SDK2: variants seen among roughly 807,000 people sequenced by gnomAD.
SDK2 encodes sidekick cell adhesion molecule 2.
A neutral mutation model predicts 253.9 loss-of-function variants in SDK2; 105 were observed. The ratio of observed to expected loss-of-function variants is 0.41; its 90% CI spans 0.35 to 0.49. The LOEUF is 0.49. Ranked by LOEUF, SDK2 falls within the 20% of genes least tolerant of loss-of-function variation. The pLI is 0.06. For synonymous variants in SDK2, 1,249 were observed against 1,234.9 expected, an observed-to-expected ratio of 1.01 and a Z score of -0.24; for missense variants, 2,608 against 3,003.0, an observed-to-expected ratio of 0.87 and a Z score of 3.07.
intron 1 of SDK2, chr17:73,520,310 G>A (rs1037983803): frequency 2.0e-5 from 3 of 152,338 alleles, no homozygotes; most frequent in African/African-American, 4.8e-5. Flanking sequence ...ATGGTTGGCA[G>A]AGAACCCACG....
At chr17:73,358,268 C>A in intron 39 of SDK2, 64 bp from the exon 40 acceptor site, 1 of 1,541,994 alleles carries the variant, frequency 6.5e-7, no homozygotes, top group Non-Finnish European at 8.7e-7. Flanking sequence ...GCCCGTCACC[C>A]TGGGCTCGAG....
chr17:73,584,875 C>G (rs1567856827), intron 1 of SDK2, among the ~76,000 whole-genome samples: 1 of 152,234 alleles, frequency 6.6e-6, no homozygotes, highest in African/African-American at 2.4e-5. Flanking sequence ...AGGAGTGATT[C>G]AGAACAGGAA....
chr17:73,405,383 C>T (rs1488549949), intron 18 of SDK2, among the ~76,000 whole-genome samples: 6 of 119,004 alleles, frequency 5.0e-5, no homozygotes, highest in African/African-American at 1.3e-4. Flanking sequence ...GAGGTTGCAG[C>T]GAGCCAAGAT....
chr17:73,458,485 T>C (rs2145668212), intron 3 of SDK2, among the ~76,000 whole-genome samples: 2 of 152,366 alleles, frequency 1.3e-5, no homozygotes, highest in Middle Eastern at 3.4e-3. Flanking sequence ...CAAGTTCATT[T>C]TCCAAAGCCC....
intron 1 of SDK2, among the ~76,000 whole-genome samples, chr17:73,540,926 C>A (rs961723839): frequency 6.6e-6 from 1 of 152,222 alleles, no homozygotes; most frequent in African/African-American, 2.4e-5. Context: ...GCTAAGCCTG[C>A]AGAACCTCTG....
At chr17:73,549,748 G>C (rs539703191) in intron 1 of SDK2, among the ~76,000 whole-genome samples, 1 of 152,292 alleles carries the variant, frequency 6.6e-6, no homozygotes, top group African/African-American at 2.4e-5. Context: ...TGGGAGAGGG[G>C]ATGGGGGGCA....
intron 1 of SDK2, among the ~76,000 whole-genome samples, chr17:73,602,585 T>C (rs2045856222): frequency 6.6e-6 from 1 of 151,270 alleles, no homozygotes; most frequent in Non-Finnish European, 1.5e-5. Flanking sequence ...CAGATAGAAA[T>C]AAAGTTGGAT....
At position 73,379,474 on chromosome 17, in the gene SDK2, G is replaced by C. The variant is rs141987716; in HGVS notation, c.4838C>G (p.Pro1613Arg). 5.6e-6 allele frequency: 9 copies of C among 1,610,218 alleles called. No homozygotes were observed. The highest frequency in any genetic ancestry group is 2.7e-5 in the African/African-American group (2 of 74,820). ...TGCCTCCCCAACAAAGACCTCCTGC[G>C]GGGGGCTGGAGGGCCCCTCACCCAC... is the stretch of plus-strand genomic sequence containing the variant. ...NAVGEGPSSP[P>R]QEVFVGEAVP... The change falls in exon 35 of 45, where the codon CCG becomes CGG. Residue 1613 changes from proline (P) to arginine (R), a missense_variant. Transcript: ENST00000392650. The surrounding 1 kb of genome is among the most constrained non-coding windows in gnomAD (Gnocchi z 4.5).
intron 3 of SDK2, among the ~76,000 whole-genome samples, chr17:73,457,278 CCTT>C (rs2063534303): frequency 2.0e-5 from 1 of 50,346 alleles, no homozygotes; most frequent in African/African-American, 1.2e-4. Flanking sequence ...TTCCTTCCTT[CCTT>C]CCTTCCCCCC....
chr17:73,338,418 C>T lies in SDK2; in HGVS notation c.*169G>A, dbSNP rs574971502. The T allele has an allele frequency of 4.3e-5, 30 of 701,098 alleles. No individual in the cohort carries two copies. The African/African-American group carries it at 4.5e-4, about 11-fold the overall frequency. 43.4% of individuals were successfully genotyped at this position (701,098 alleles called of 1,614,324 possible). On this transcript the variant is annotated 3_prime_UTR_variant, in exon 45 of 45. Transcript: ENST00000392650. The surrounding 1 kb of genome is among the most constrained non-coding windows in gnomAD (Gnocchi z 5.0). Reference sequence around the variant, plus strand: ...CACACATCCTCTCACGGTTTTCTCCCTCCTTCTGAACGCCGGCTTTGCTGG... The same window carrying T: ...CACACATCCTCTCACGGTTTTCTCCTTCCTTCTGAACGCCGGCTTTGCTGG...
intron 1 of SDK2, among the ~76,000 whole-genome samples, chr17:73,532,054 T>C (rs2064173158): frequency 6.6e-6 from 1 of 151,514 alleles, no homozygotes; most frequent in Non-Finnish European, 1.5e-5. Context: ...CAAGGGGGGG[T>C]CATTCTGTAC....
At chr17:73,495,038 G>C (rs1000658717) in intron 2 of SDK2, among the ~76,000 whole-genome samples, 1 of 152,238 alleles carries the variant, frequency 6.6e-6, no homozygotes, top group Admixed American at 6.5e-5. Flanking sequence ...CCTGCCCCGG[G>C]CTGAGGATCC....
At position 73,422,425 on chromosome 17, in the gene SDK2, CA is replaced by C. The variant is rs776061207; in HGVS notation, c.1906del (p.Trp636GlyfsTer15). The C allele has an allele frequency of 1.2e-6, 2 of 1,613,862 alleles. No homozygotes were observed. The highest frequency in any genetic ancestry group is 1.7e-6 in the Non-Finnish European group (2 of 1,179,834). ...ILEMSENNAP[W>X]TVLLASVDPK... The stretch of plus-strand genomic sequence containing the variant: ...GTCCACACTGGCCAGGAGTACAGTC[CA>C]GGGGGCATCTGCAGGGACAGTGAGT... On this transcript the variant is annotated frameshift_variant, in exon 15 of 45. Coordinates refer to ENST00000392650, the MANE Select transcript of SDK2 (RefSeq NM_001144952.2). LOFTEE classifies it high-confidence loss of function.
chr17:73,550,839 G>A (rs1303693225), intron 1 of SDK2, among the ~76,000 whole-genome samples: 1 of 152,194 alleles, frequency 6.6e-6, no homozygotes, highest in South Asian at 2.1e-4. Context: ...GGGAGGAAGT[G>A]AGGTTGCTGG....
At chr17:73,622,315 C>T (rs1284146957) in intron 1 of SDK2, among the ~76,000 whole-genome samples, 1 of 152,216 alleles carries the variant, frequency 6.6e-6, no homozygotes, top group Non-Finnish European at 1.5e-5. Flanking sequence ...CCAGGGCCCT[C>T]CCTCATGCCC....
In SDK2 at chr17:73,458,896, C is replaced by T. The variant is rs551101299; in HGVS notation, c.332-2843G>A. Among the ~76,000 whole-genome samples the T allele has an allele frequency of 1.8e-3, 278 of 152,148 alleles. 1 individual carries two copies. The highest frequency in any genetic ancestry group is 2.5e-3 in the Non-Finnish European group (170 of 67,994). On this transcript the variant is annotated intron_variant, in intron 3 of 44. Coordinates refer to ENST00000392650, the MANE Select transcript of SDK2 (RefSeq NM_001144952.2). Reference sequence around the variant, plus strand: ...GCACATGCCTGTAATCCCAGCTACTCGGGAGGCTGAGGTAGGAGAATCGCT... The same window carrying T: ...GCACATGCCTGTAATCCCAGCTACTTGGGAGGCTGAGGTAGGAGAATCGCT...
chr17:73,512,131 C>A (rs2063985711), intron 1 of SDK2, among the ~76,000 whole-genome samples: 1 of 152,212 alleles, frequency 6.6e-6, no homozygotes, highest in Non-Finnish European at 1.5e-5. Flanking sequence ...AGGAGGGTAG[C>A]ACAAACCAGT....
rs369021967 is a variant in SDK2 at position 73,474,399 on chromosome 17, A to G, written c.225-2181T>C. On this transcript the variant is annotated intron_variant, in intron 2 of 44. Coordinates refer to ENST00000392650, the MANE Select transcript of SDK2 (RefSeq NM_001144952.2). ...GAGGCAAAGTCCCACAGAGCCTTTC[A>G]GACTCCAAGCCTGGCTGTGAAGCTG... Among the ~76,000 whole-genome samples, 11 of 152,328 alleles carry G rather than the reference A, an allele frequency of 7.2e-5. 2 individuals carry two copies. The highest frequency in any genetic ancestry group is 2.1e-4 in the South Asian group (1 of 4,826).
At chr17:73,484,993 A>G (rs1331983394) in intron 2 of SDK2, among the ~76,000 whole-genome samples, 1 of 152,202 alleles carries the variant, frequency 6.6e-6, no homozygotes, top group Non-Finnish European at 1.5e-5. Context: ...TATTGGCTTT[A>G]GGGACTACCT....
Sources: allele counts gnomAD v4.1 joint callset (sites outside exome capture counted in the v4.1 genomes callset), GRCh38; gene constraint gnomAD v4.1.1; non-coding constraint Gnocchi (gnomAD v3.1); transcripts MANE v1.5; gene names NCBI Gene and HGNC (gene_info 2026-07-23, HGNC 2026-07-21).